Variants in THSD7B observed in about 807,000 individuals in gnomAD.
The protein encoded by THSD7B is thrombospondin type 1 domain containing 7B, also known as thrombospondin type-1 domain-containing protein 7B.
A neutral mutation model predicts 213.6 loss-of-function variants in THSD7B; 138 were observed. The ratio of observed to expected loss-of-function variants is 0.65; its 90% confidence interval spans 0.56 to 0.74. THSD7B has a LOEUF of 0.74. Among genes scored for constraint, THSD7B ranks in the 30% least tolerant of loss-of-function variants. The pLI, the probability that THSD7B is intolerant of heterozygous loss-of-function variation, is 0.00. For missense variants in THSD7B, 1,931 were observed against 1,991.5 expected (o/e 0.97, Z 0.58); for synonymous variants, 742 against 687.0 (o/e 1.08, Z -1.25).
At chr2:137,591,021 T>A (rs964252478) in intron 17 of THSD7B, among the ~76,000 whole-genome samples, 2 of 151,856 alleles carry the variant, frequency 1.3e-5, no homozygotes, top group African/African-American at 2.4e-5. Flanking sequence ...AAAAATTCCC[T>A]TGTGGAAGAG....
chr2:136,939,488 C>T (rs764870363), intron 2 of THSD7B, among the ~76,000 whole-genome samples: 8 of 152,114 alleles, frequency 5.3e-5, no homozygotes, highest in Non-Finnish European at 1.0e-4. Context: ...ACTTTTATCA[C>T]CTTATGCCCC....
intron 12 of THSD7B, among the ~76,000 whole-genome samples, chr2:137,296,942 A>G (rs955725505): frequency 7.2e-5 from 11 of 151,886 alleles, no homozygotes; most frequent in African/African-American, 2.4e-4. Context: ...GTTCTTTCTA[A>G]TTGGCATAAG....
intron 15 of THSD7B, among the ~76,000 whole-genome samples, chr2:137,506,051 T>G (rs1356766061): frequency 1.3e-5 from 2 of 152,110 alleles, no homozygotes; most frequent in East Asian, 3.9e-4. Flanking sequence ...TGTTTGTGTT[T>G]GAAAAGCACA....
chr2:137,566,118 T>C (rs1345461306), intron 16 of THSD7B, among the ~76,000 whole-genome samples: 1 of 152,184 alleles, frequency 6.6e-6, no homozygotes, highest in African/African-American at 2.4e-5. Context: ...CTTCCAACTG[T>C]AGAGCATCTT....
chr2:137,631,839 G>A (rs1231442088), intron 20 of THSD7B, among the ~76,000 whole-genome samples: 6 of 152,160 alleles, frequency 3.9e-5, no homozygotes, highest in Non-Finnish European at 7.4e-5. Context: ...TAGGATGTCG[G>A]ACCACTCACT....
At chr2:137,479,994 G>A (rs1201352229) in intron 15 of THSD7B, among the ~76,000 whole-genome samples, 1 of 152,160 alleles carries the variant, frequency 6.6e-6, no homozygotes, top group East Asian at 1.9e-4. Context: ...TGGGAATGTG[G>A]ACTTCTTGGG....
intron 17 of THSD7B, among the ~76,000 whole-genome samples, chr2:137,576,962 CT>C (rs1681477007): frequency 6.6e-6 from 1 of 152,060 alleles, no homozygotes; most frequent in Non-Finnish European, 1.5e-5. Context: ...GAGCTTAGCT[CT>C]AAGCACTTCC....
chr2:137,334,876 C>T (rs946718321), intron 12 of THSD7B, among the ~76,000 whole-genome samples: 3 of 152,126 alleles, frequency 2.0e-5, no homozygotes, highest in Non-Finnish European at 2.9e-5. Context: ...GCAGTTCCCC[C>T]ATGCTGTTCT....
chr2:137,357,958 C>G (rs1685171003), intron 12 of THSD7B, among the ~76,000 whole-genome samples: 1 of 152,166 alleles, frequency 6.6e-6, no homozygotes, highest in Non-Finnish European at 1.5e-5. Context: ...TTTAATATTA[C>G]CACTTGTTCA....
At chr2:137,118,820 A>C (rs573995054) in intron 5 of THSD7B, among the ~76,000 whole-genome samples, 4 of 152,176 alleles carry the variant, frequency 2.6e-5, no homozygotes, top group Non-Finnish European at 5.9e-5. Context: ...AAGAGGTTTA[A>C]TGAACTCACA....
intron 2 of THSD7B, among the ~76,000 whole-genome samples, chr2:137,001,889 A>G (rs1329539045): frequency 2.6e-5 from 4 of 151,922 alleles, no homozygotes; most frequent in Admixed American, 2.6e-4. Context: ...TTTGTTCAAA[A>G]CTTTTTCTTT....
intron 4 of THSD7B, among the ~76,000 whole-genome samples, chr2:137,100,566 TTTTG>T (rs943666695): frequency 7.9e-5 from 12 of 152,098 alleles, no homozygotes; most frequent in Non-Finnish European, 2.9e-5. Context: ...AATAGGACTA[TTTTG>T]TTTGTTTGTT....
chr2:137,008,051 A>G (rs554789899), intron 2 of THSD7B, among the ~76,000 whole-genome samples: 1 of 152,302 alleles, frequency 6.6e-6, no homozygotes, highest in Admixed American at 6.5e-5. Context: ...AAGACTTGAC[A>G]GTTTCATATC....
intron 1 of THSD7B, among the ~76,000 whole-genome samples, chr2:136,836,370 C>T (rs187477955): frequency 6.9e-4 from 105 of 152,192 alleles, no homozygotes; most frequent in African/African-American, 2.4e-3. Flanking sequence ...AGCCTTTTTT[C>T]ATCTTCACTG....
chr2:137,145,721 A>T (rs900669063), intron 5 of THSD7B, among the ~76,000 whole-genome samples: 2 of 152,126 alleles, frequency 1.3e-5, no homozygotes, highest in Middle Eastern at 3.4e-3. Context: ...TAAAAAAAAG[A>T]TTGCTGCACC....
intron 9 of THSD7B, among the ~76,000 whole-genome samples, chr2:137,235,370 C>T (rs1194712211): frequency 2.0e-5 from 3 of 152,166 alleles, no homozygotes. Context: ...GATCTCCTTT[C>T]CACAAAGCTT....
chr2:137,162,759 T>C (rs1002555113), intron 6 of THSD7B, among the ~76,000 whole-genome samples: 1 of 151,776 alleles, frequency 6.6e-6, no homozygotes, highest in Non-Finnish European at 1.5e-5. Context: ...CCTTTCACTT[T>C]CCATTTCCCT....
At chr2:136,824,285 T>C (rs2104940438) in intron 1 of THSD7B, among the ~76,000 whole-genome samples, 1 of 152,144 alleles carries the variant, frequency 6.6e-6, no homozygotes, top group Middle Eastern at 3.4e-3. Flanking sequence ...TATAAAGAAC[T>C]GTTTAGTACT....
At chr2:137,475,204 T>C (rs946217908) in intron 15 of THSD7B, among the ~76,000 whole-genome samples, 1 of 152,158 alleles carries the variant, frequency 6.6e-6, no homozygotes, top group Non-Finnish European at 1.5e-5. Context: ...CTTTGAAAAT[T>C]GATATATAAT....
Sources: gnomAD v4.1 joint callset for allele counts (sites outside exome capture counted in the v4.1 genomes callset) on GRCh38, gnomAD v4.1.1 for gene constraint, MANE v1.5 for transcripts, NCBI Gene and HGNC (gene_info 2026-07-23, HGNC 2026-07-21) for gene names.